Variants in CHCHD6 observed in about 807,000 individuals in gnomAD.
CHCHD6 encodes the protein MICOS complex subunit MIC25.
A neutral mutation model predicts 32.3 loss-of-function variants in CHCHD6; 28 were observed. That is an observed-to-expected ratio of 0.87 (90% CI 0.64 to 1.19). The LOEUF (loss-of-function observed/expected upper bound fraction) is 1.19. CHCHD6 is among the 50% of genes most tolerant of loss of function. The probability of loss-of-function intolerance (pLI) is 0.00; values close to 1 mark genes in which losing one functional copy is unlikely to be tolerated. For missense variants in CHCHD6, 333 were observed against 307.0 expected (o/e 1.08, Z -0.63); for synonymous variants, 122 against 117.5 (o/e 1.04, Z -0.25).
At chr3:126,760,121 C>T (rs891222265) in intron 4 of CHCHD6, among the ~76,000 whole-genome samples, 4 of 152,192 alleles carry the variant, frequency 2.6e-5, no homozygotes, top group Non-Finnish European at 5.9e-5. Context: ...CATCAGGCCC[C>T]ACCTCCAACA....
chr3:126,918,557 G>A (rs928547835), intron 6 of CHCHD6, among the ~76,000 whole-genome samples: 1 of 152,234 alleles, frequency 6.6e-6, no homozygotes, highest in African/African-American at 2.4e-5. Context: ...ATGAAAGAAA[G>A]AGTCTGAATT....
intron 2 of CHCHD6, among the ~76,000 whole-genome samples, chr3:126,727,945 G>A (rs1935611814): frequency 6.6e-6 from 1 of 151,864 alleles, no homozygotes; most frequent in Non-Finnish European, 1.5e-5. Flanking sequence ...TGAGAACTTG[G>A]GTCTGTCTAT....
At chr3:126,747,747 A>G in intron 4 of CHCHD6, among the ~76,000 whole-genome samples, 1 of 152,082 alleles carries the variant, frequency 6.6e-6, no homozygotes, top group Non-Finnish European at 1.5e-5. Flanking sequence ...AGATATATCC[A>G]GCACCCTCCT....
intron 6 of CHCHD6, among the ~76,000 whole-genome samples, chr3:126,916,372 G>A (rs1044657171): frequency 6.7e-6 from 1 of 148,594 alleles, no homozygotes. Flanking sequence ...CTGCACTCCA[G>A]CCTGGGCAAC....
At chr3:126,716,142 A>G (rs1340099920) in intron 1 of CHCHD6, among the ~76,000 whole-genome samples, 4 of 152,168 alleles carry the variant, frequency 2.6e-5, no homozygotes, top group Admixed American at 1.3e-4. Flanking sequence ...ATCCCTGCTT[A>G]TAGCCTTCAC....
intron 4 of CHCHD6, among the ~76,000 whole-genome samples, chr3:126,737,931 G>C (rs1204344500): frequency 6.6e-6 from 1 of 152,098 alleles, no homozygotes; most frequent in Non-Finnish European, 1.5e-5. Context: ...CCTCAAAAGA[G>C]ATAAATAGGA....
chr3:126,875,834 A>T lies in CHCHD6; in HGVS notation c.495+23104A>T, dbSNP rs977079212. ...AATATCAGAAAAATCACATCCTGTCACATGTTCTCCCTTAGGAATATTGCC... is the reference window on the plus strand; with the variant it reads ...AATATCAGAAAAATCACATCCTGTCTCATGTTCTCCCTTAGGAATATTGCC... On this transcript the variant is annotated intron_variant, in intron 5 of 7. Coordinates refer to ENST00000290913, the MANE Select transcript of CHCHD6 (RefSeq NM_032343.3). 2.6e-5 allele frequency among the ~76,000 whole-genome samples: 4 copies of T among 152,206 alleles called. No individual in the cohort carries two copies. The East Asian group carries it at 5.8e-4, about 22-fold the overall frequency.
chr3:126,898,468 A>G (rs1351980444), intron 5 of CHCHD6, among the ~76,000 whole-genome samples: 3 of 152,210 alleles, frequency 2.0e-5, no homozygotes, highest in East Asian at 3.9e-4. Context: ...TTGGAATGAT[A>G]GAGATATTTT....
intron 4 of CHCHD6, among the ~76,000 whole-genome samples, chr3:126,834,064 A>G (rs1299220301): frequency 7.0e-6 from 1 of 143,754 alleles, no homozygotes; most frequent in Non-Finnish European, 1.6e-5. Context: ...AAAAAAAAAA[A>G]AAAAAAAAAA....
rs150241554 is a variant in CHCHD6 at position 126,860,310 on chromosome 3, T to A, written c.495+7580T>A. Among the ~76,000 whole-genome samples the A allele has an allele frequency of 2.2e-4, 34 of 152,278 alleles. No individual in the cohort carries two copies. In the East Asian group the frequency reaches 6.4e-3, roughly 29 times the overall value. ...ACTCTTTAACCTGCTGAGTGAGGGA[T>A]CTGAGCCCAAGGGACTTTTGAAGAG... On this transcript the variant is annotated intron_variant, in intron 5 of 7. Transcript: ENST00000290913.
chr3:126,726,302 A>T (rs1004627227), intron 1 of CHCHD6, among the ~76,000 whole-genome samples: 1 of 152,228 alleles, frequency 6.6e-6, no homozygotes. Flanking sequence ...TGGAGCCATC[A>T]GAACACAACA....
intron 6 of CHCHD6, among the ~76,000 whole-genome samples, chr3:126,951,849 T>C: frequency 6.6e-6 from 1 of 152,234 alleles, no homozygotes; most frequent in East Asian, 1.9e-4. Context: ...ATGGGAGACC[T>C]AGCAGGCCGT....
chr3:126,931,001 C>T (rs1043642093), intron 6 of CHCHD6, among the ~76,000 whole-genome samples: 1 of 152,216 alleles, frequency 6.6e-6, no homozygotes, highest in South Asian at 2.1e-4. Flanking sequence ...GAGGTCTTCC[C>T]GTCCCGCTGC....
rs1052716103 is a variant in CHCHD6, at chr3:126,900,586, C to T, written c.496-14094C>T. On this transcript the variant is annotated intron_variant, in intron 5 of 7. Coordinates refer to ENST00000290913, the MANE Select transcript of CHCHD6 (RefSeq NM_032343.3). The stretch of plus-strand genomic sequence containing the variant: ...GAGCAGAAGAAGCAAGAGAGAAGGA[C>T]GGGAGGTGTGACACACTTTTTTTTT... 1.2e-3 allele frequency among the ~76,000 whole-genome samples: 172 copies of T among 142,172 alleles called. 1 individual carries two copies. Among genetic ancestry groups the T allele is most frequent in the Non-Finnish European group, 2.0e-3 (133 of 66,226 alleles). 93.3% of individuals were successfully genotyped at this position (142,172 alleles called of 152,430 possible). A position where few individuals can be genotyped will look rare whatever the true frequency, so the allele number is the denominator to read the frequency against.
intron 4 of CHCHD6, among the ~76,000 whole-genome samples, chr3:126,736,387 C>T (rs1347356171): frequency 1.3e-5 from 2 of 152,176 alleles, no homozygotes; most frequent in African/African-American, 2.4e-5. Context: ...GTTGTCTGCC[C>T]ACTCCTCCTA....
At chr3:126,790,105 A>G (rs1938448525) in intron 4 of CHCHD6, among the ~76,000 whole-genome samples, 1 of 151,990 alleles carries the variant, frequency 6.6e-6, no homozygotes, top group Non-Finnish European at 1.5e-5. Flanking sequence ...CTGGATATGA[A>G]ATTCTGGGTT....
intron 5 of CHCHD6, among the ~76,000 whole-genome samples, chr3:126,881,621 G>T (rs1054238697): frequency 6.6e-6 from 1 of 152,136 alleles, no homozygotes; most frequent in Admixed American, 6.5e-5. Context: ...TAAAAACATA[G>T]AATTCAGAGC....
At chr3:126,732,961 C>G (rs1409090523) in intron 3 of CHCHD6, 117 bp from the exon 4 acceptor site, 2 of 1,144,130 alleles carry the variant, frequency 1.7e-6, no homozygotes, top group Non-Finnish European at 1.3e-6. Flanking sequence ...CCTGACCAGC[C>G]GCTGGCTGGT....
chr3:126,921,940 A>G (rs1231319769), intron 6 of CHCHD6, among the ~76,000 whole-genome samples: 1 of 152,240 alleles, frequency 6.6e-6, no homozygotes, highest in East Asian at 1.9e-4. Flanking sequence ...ATGGCATTCT[A>G]AACATTCTTT....
Sources: gnomAD v4.1 joint callset for allele counts (sites outside exome capture counted in the v4.1 genomes callset) on GRCh38, gnomAD v4.1.1 for gene constraint, MANE v1.5 for transcripts, NCBI Gene and HGNC (gene_info 2026-07-23, HGNC 2026-07-21) for gene names.